FOXP1: variants seen among roughly 807,000 people sequenced by gnomAD.
The protein encoded by FOXP1 is forkhead box protein P1.
In FOXP1, 15 loss-of-function variants were observed where a neutral mutation model predicts 98.2. The observed-to-expected ratio is 0.15, with a 90% CI of 0.10 to 0.24. FOXP1 has a LOEUF of 0.24. FOXP1 is among the 10% of genes least tolerant of loss of function. FOXP1 has a pLI of 1.00. For missense variants in FOXP1, 633 were observed against 848.5 expected (o/e 0.75, Z 3.15); for synonymous variants, 371 against 314.5 (o/e 1.18, Z -1.90).
At chr3:71,280,139 A>C (rs1446673485) in intron 5 of FOXP1, among the ~76,000 whole-genome samples, 8 of 151,466 alleles carry the variant, frequency 5.3e-5, no homozygotes, top group South Asian at 2.1e-4. Context: ...AAAAAAAAAA[A>C]AAAAAAAAAA....
At chr3:71,537,428 T>C (rs990368911) in intron 2 of FOXP1, among the ~76,000 whole-genome samples, 2 of 152,086 alleles carry the variant, frequency 1.3e-5, no homozygotes, top group African/African-American at 4.8e-5. Flanking sequence ...GTGAAGGAAG[T>C]GTGCATTCCA....
At chr3:71,130,497 C>A in intron 6 of FOXP1, 2 of 1,598,322 alleles carry the variant, frequency 1.3e-6, no homozygotes, top group Non-Finnish European at 1.7e-6. Context: ...TGGACACTTA[C>A]AGAGAAAATG....
chr3:70,991,113 GTA>G (rs900822606), intron 13 of FOXP1, among the ~76,000 whole-genome samples: 15 of 150,190 alleles, frequency 1.0e-4, no homozygotes, highest in African/African-American at 3.4e-4. Context: ...TACTGGCTGA[GTA>G]TATGTTTGAA....
chr3:71,111,140 G>A (rs939001266), intron 7 of FOXP1, among the ~76,000 whole-genome samples: 2 of 152,144 alleles, frequency 1.3e-5, no homozygotes, highest in African/African-American at 2.4e-5. Context: ...CCTGTGAAAA[G>A]TAAACACAAG....
chr3:71,514,127 C>T (rs2107355991), intron 2 of FOXP1, among the ~76,000 whole-genome samples: 1 of 152,224 alleles, frequency 6.6e-6, no homozygotes, highest in Admixed American at 6.5e-5. Flanking sequence ...GCTCTCAGGC[C>T]CCATCTCTCA....
chr3:71,411,695 A>T (rs2082762309), intron 3 of FOXP1, among the ~76,000 whole-genome samples: 2 of 152,176 alleles, frequency 1.3e-5, no homozygotes, highest in South Asian at 4.1e-4. Context: ...GTAGAAAAGG[A>T]CCCATCAAGA....
Position 71,414,517 on chromosome 3 carries a change from C to T in FOXP1, c.-167-55273G>A, listed in dbSNP as rs1560452207. ...CCACCAATATACTTGTCTGCCAATT[C>T]GAGGACTTACTGGGTAAGATTTAGG... On this transcript the variant is annotated intron_variant, in intron 3 of 20. Transcript: ENST00000649528. Among the ~76,000 whole-genome samples the T allele has an allele frequency of 2.6e-5, 4 of 152,216 alleles. No individual in the cohort carries two copies. The South Asian group carries it at 8.3e-4, about 31-fold the overall frequency.
intron 11 of FOXP1, among the ~76,000 whole-genome samples, chr3:71,021,358 T>C (rs938735973): frequency 6.6e-6 from 1 of 152,262 alleles, no homozygotes; most frequent in African/African-American, 2.4e-5. Flanking sequence ...TCGTTTACAC[T>C]GTAGCATTTA....
At chr3:71,095,416 C>G (rs56841225) in intron 7 of FOXP1, among the ~76,000 whole-genome samples, 25,221 of 152,050 alleles carry the variant, frequency 0.17, 3,059 homozygotes, top group East Asian at 0.54. Context: ...AATTCCAGAA[C>G]AGTTGTAGAA....
intron 5 of FOXP1, among the ~76,000 whole-genome samples, chr3:71,232,883 A>AAAAAAAAAAAAAAAAAAAAAAAAAAC: frequency 1.4e-5 from 2 of 145,178 alleles, no homozygotes; most frequent in Non-Finnish European, 3.0e-5. Context: ...GTCTCAAAAA[A>AAAAAAAAAAAAAAAAAAAAAAAAAAC]AAAAAAAAAA....
chr3:71,566,382 CA>C, intron 2 of FOXP1, among the ~76,000 whole-genome samples: 1 of 152,274 alleles, frequency 6.6e-6, no homozygotes, highest in African/African-American at 2.4e-5. Flanking sequence ...CCAAGGAACT[CA>C]ACACCAGACA....
chr3:71,193,694 C>T (rs952846955), intron 6 of FOXP1, among the ~76,000 whole-genome samples: 1 of 152,148 alleles, frequency 6.6e-6, no homozygotes, highest in Non-Finnish European at 1.5e-5. Context: ...AGTGATCAGC[C>T]CGCCTCGGCC....
chr3:71,495,661 T>C (rs1481407274), intron 2 of FOXP1, among the ~76,000 whole-genome samples: 1 of 152,210 alleles, frequency 6.6e-6, no homozygotes, highest in African/African-American at 2.4e-5. Flanking sequence ...TTAAACTCAA[T>C]ATGTGGATAA....
chr3:71,572,283 A>G (rs775613704), intron 2 of FOXP1: 3 of 152,204 alleles, frequency 2.0e-5, no homozygotes, highest in Non-Finnish European at 4.4e-5. Context: ...TTGAGGTTTT[A>G]AAGTTTTTTC....
At chr3:71,198,432 G>GGGGGGGGGGGCCCCGCCCGCC in intron 5 of FOXP1, 40 bp from the exon 6 acceptor site, 1 of 491,034 alleles carries the variant, frequency 2.0e-6, no homozygotes, top group East Asian at 5.7e-5. Context: ...GGGAGGGGGG[G>GGGGGGGGGGGCCCCGCCCGCC]AGAAAAAAAA....
intron 6 of FOXP1, among the ~76,000 whole-genome samples, chr3:71,174,773 T>C (rs1212279857): frequency 7.6e-6 from 1 of 131,934 alleles, no homozygotes; most frequent in Non-Finnish European, 1.7e-5. Context: ...ATACACAATG[T>C]ATGCACATGC....
chr3:71,080,674 T>TGA (rs2054311373), intron 7 of FOXP1, among the ~76,000 whole-genome samples: 1 of 152,254 alleles, frequency 6.6e-6, no homozygotes, highest in South Asian at 2.1e-4. Context: ...CACACTGTCC[T>TGA]TTGGAACACT....
At chr3:71,403,936 GCA>G (rs1350216166) in intron 3 of FOXP1, among the ~76,000 whole-genome samples, 6 of 152,054 alleles carry the variant, frequency 3.9e-5, no homozygotes, top group African/African-American at 1.4e-4. Context: ...AAAATAGATG[GCA>G]TGTGAAGAAA....
At chr3:71,473,632 C>A (rs561186284) in intron 3 of FOXP1, among the ~76,000 whole-genome samples, 7 of 151,788 alleles carry the variant, frequency 4.6e-5, no homozygotes, top group African/African-American at 1.7e-4. Context: ...CGCCACCACC[C>A]GCAAATGAAA....
Sources: allele counts gnomAD v4.1 joint callset (sites outside exome capture counted in the v4.1 genomes callset), GRCh38; gene constraint gnomAD v4.1.1; transcripts MANE v1.5; gene names NCBI Gene and HGNC (gene_info 2026-07-23, HGNC 2026-07-21).